Variants in KDM4C observed in about 807,000 individuals in gnomAD.
KDM4C encodes the protein lysine-specific demethylase 4C.
Under a neutral mutation model 129.3 loss-of-function variants are expected in KDM4C, and 81 were observed. The observed-to-expected ratio is 0.63, with a 90% confidence interval of 0.52 to 0.75. KDM4C has a LOEUF of 0.75. Among genes scored for constraint, KDM4C ranks in the 30% least tolerant of loss-of-function variants. The pLI is 0.00. For synonymous variants in KDM4C, 573 were observed against 456.1 expected, an observed-to-expected ratio of 1.26 and a Z score of -3.26; for missense variants, 1,457 against 1,304.0, an observed-to-expected ratio of 1.12 and a Z score of -1.81.
intron 1 of KDM4C, among the ~76,000 whole-genome samples, chr9:6,762,253 C>T (rs1292829191): frequency 2.0e-5 from 3 of 152,076 alleles, no homozygotes; most frequent in African/African-American, 4.8e-5. Flanking sequence ...CCCCCAGCCC[C>T]CCACCCCACA....
chr9:7,170,696 C>A, intron 21 of KDM4C: 2 of 976,836 alleles, frequency 2.0e-6, no homozygotes, highest in South Asian at 9.5e-5. Flanking sequence ...GTTTTTCTGA[C>A]TAAAATGAAA....
At chr9:6,891,475 A>G (rs1425184788) in intron 7 of KDM4C, among the ~76,000 whole-genome samples, 13 of 152,330 alleles carry the variant, frequency 8.5e-5, no homozygotes. Flanking sequence ...TAGAGACAGA[A>G]GATAAATCAG....
chr9:6,857,748 A>G (rs918330755), intron 5 of KDM4C, among the ~76,000 whole-genome samples: 1 of 149,990 alleles, frequency 6.7e-6, no homozygotes, highest in South Asian at 2.1e-4. Context: ...CAGAGTAGCC[A>G]GCTGTACTTT....
intron 8 of KDM4C, among the ~76,000 whole-genome samples, chr9:6,940,201 C>A (rs372838488): frequency 3.3e-5 from 5 of 152,154 alleles, no homozygotes; most frequent in African/African-American, 1.2e-4. Flanking sequence ...AGTGATCCTC[C>A]TGCCTCAGCC....
chr9:6,989,074 A>G (rs1818266188), intron 11 of KDM4C, among the ~76,000 whole-genome samples: 1 of 152,228 alleles, frequency 6.6e-6, no homozygotes, highest in African/African-American at 2.4e-5. Flanking sequence ...GGTATGGTGC[A>G]TAGTAGTGTG....
chr9:6,954,343 G>T (rs1389917679), intron 8 of KDM4C, among the ~76,000 whole-genome samples: 1 of 152,048 alleles, frequency 6.6e-6, no homozygotes, highest in East Asian at 1.9e-4. Context: ...GAAGAGTGGG[G>T]CTATGGTATA....
At chr9:7,136,343 A>G (rs1841204401) in intron 19 of KDM4C, among the ~76,000 whole-genome samples, 1 of 152,162 alleles carries the variant, frequency 6.6e-6, no homozygotes, top group South Asian at 2.1e-4. Flanking sequence ...TTGGGTAAAG[A>G]CTTAGGAGTG....
chr9:6,763,057 A>C (rs1341389921), intron 1 of KDM4C, among the ~76,000 whole-genome samples: 1 of 151,932 alleles, frequency 6.6e-6, no homozygotes, highest in East Asian at 1.9e-4. Flanking sequence ...TGGGGGGTAG[A>C]GGGGGCGTGG....
intron 9 of KDM4C, chr9:6,982,142 C>G (rs1816869236): frequency 6.6e-6 from 1 of 151,778 alleles, no homozygotes; most frequent in Admixed American, 6.6e-5. Context: ...TAGCTTGTGT[C>G]CACTTTTTTG....
intron 1 of KDM4C, among the ~76,000 whole-genome samples, chr9:6,742,255 C>G (rs990284021): frequency 1.3e-5 from 2 of 152,120 alleles, no homozygotes; most frequent in Non-Finnish European, 1.5e-5. Flanking sequence ...ACCTCGTCAT[C>G]CGCCCGCCTT....
chr9:7,040,083 T>TA lies in KDM4C; in HGVS notation c.2260-6778dup, dbSNP rs1564026299. 2.6e-5 allele frequency among the ~76,000 whole-genome samples: 4 copies of TA among 152,130 alleles called. No individual in the cohort carries two copies. In the South Asian group the frequency reaches 8.3e-4, roughly 31 times the overall value. On this transcript the variant is annotated intron_variant, in intron 15 of 21. Transcript: ENST00000381309. ...TAAGTGGTTGCCAAAAATTACAATT[T>TA]ACATTTTTGAATGAGCACACTCTGC...
intron 8 of KDM4C, among the ~76,000 whole-genome samples, chr9:6,904,605 G>A (rs369742759): frequency 9.9e-5 from 15 of 152,164 alleles, no homozygotes; most frequent in Admixed American, 9.8e-4. Context: ...TTGATGGGCT[G>A]TGTCCACACC....
chr9:6,835,606 C>G lies in KDM4C; in HGVS notation c.436-13901C>G, dbSNP rs567822046. 5.6e-4 allele frequency: 483 copies of G among 869,648 alleles called. 1 individual carries two copies. In the African/African-American group the frequency reaches 5.8e-3, roughly 10 times the overall value. 53.9% of individuals were successfully genotyped at this position (869,648 alleles called of 1,614,324 possible). On this transcript the variant is annotated intron_variant, in intron 4 of 21. Transcript: ENST00000381309. ...GACTGTGACTTAGTTGTGTTACACC[C>G]TTTCTTGACAAAACCTGACTTGTGC...
At chr9:6,752,870 T>TGG (rs1818120106), upstream of KDM4C, among the ~76,000 whole-genome samples, 1 of 152,190 alleles carries the variant, frequency 6.6e-6, no homozygotes, top group African/African-American at 2.4e-5. Flanking sequence ...AGATATCTTT[T>TGG]AAGTTCATGC....
At chr9:7,063,588 C>T (rs1370538603) in intron 17 of KDM4C, among the ~76,000 whole-genome samples, 1 of 152,152 alleles carries the variant, frequency 6.6e-6, no homozygotes, top group African/African-American at 2.4e-5. Flanking sequence ...GCTTTCTGGT[C>T]TTAACGATAT....
At chr9:7,008,205 C>T (rs1290160055) in intron 12 of KDM4C, among the ~76,000 whole-genome samples, 1 of 152,144 alleles carries the variant, frequency 6.6e-6, no homozygotes, top group Non-Finnish European at 1.5e-5. Flanking sequence ...AGATCCCAAT[C>T]TAAGGTCCGT....
rs1365096316 is a variant in KDM4C, at chr9:7,028,667, T to C, written c.2259+12738T>C. Among the ~76,000 whole-genome samples, 20 of 152,088 alleles carry C rather than the reference T, an allele frequency of 1.3e-4. 1 individual carries two copies. The highest frequency in any genetic ancestry group is 1.2e-3 in the Admixed American group (19 of 15,276). ...TGACTCGCCTAGGAGTTGCAGTTCT[T>C]GTGGCCTAGACTGCCTTTCATGTTT... On this transcript the variant is annotated intron_variant, in intron 15 of 21. Transcript: ENST00000381309.
chr9:7,027,063 C>T (rs1283251518), intron 15 of KDM4C, among the ~76,000 whole-genome samples: 1 of 152,060 alleles, frequency 6.6e-6, no homozygotes, highest in Non-Finnish European at 1.5e-5. Flanking sequence ...GGTCACATAT[C>T]TGTGTTTCTC....
rs150633639 is a variant in KDM4C at position 6,823,208 on chromosome 9, A to T, written c.435+8463A>T. 1.9e-3 allele frequency among the ~76,000 whole-genome samples: 294 copies of T among 152,250 alleles called. 1 individual carries two copies. Among genetic ancestry groups the T allele is most frequent in the African/African-American group, 6.9e-3 (285 of 41,538 alleles). ...GCGGTGACACATAGCTCCTCCTCTC[A>T]TCCTCATCTCTATTCTCCATCGTGC... On this transcript the variant is annotated intron_variant, in intron 4 of 21. Transcript: ENST00000381309.
Sources: allele counts gnomAD v4.1 joint callset (sites outside exome capture counted in the v4.1 genomes callset), GRCh38; gene constraint gnomAD v4.1.1; transcripts MANE v1.5; gene names NCBI Gene and HGNC (gene_info 2026-07-23, HGNC 2026-07-21).